Variants in TAF4B observed in about 807,000 individuals in gnomAD.
TAF4B encodes transcription initiation factor TFIID subunit 4B.
TAF4B carries 38 observed loss-of-function variants against 86.4 expected under a neutral mutation model. The observed-to-expected ratio is 0.44, with a 90% CI of 0.34 to 0.58. TAF4B has a LOEUF of 0.58. TAF4B is among the 20% of genes least tolerant of loss of function. The pLI, the probability that TAF4B is intolerant of heterozygous loss-of-function variation, is 0.02. For synonymous variants in TAF4B, 388 were observed against 391.2 expected (o/e 0.99, Z 0.10); for missense variants, 988 against 1,027.6 (o/e 0.96, Z 0.53).
At chr18:26,227,822 G>GT (rs890575036) in intron 1 of TAF4B, among the ~76,000 whole-genome samples, 1 of 152,232 alleles carries the variant, frequency 6.6e-6, no homozygotes, top group Non-Finnish European at 1.5e-5. Context: ...CGGCCTAACA[G>GT]TGAAGTTCTT....
intron 9 of TAF4B, among the ~76,000 whole-genome samples, chr18:26,302,088 A>G (rs567188813): frequency 2.0e-5 from 3 of 152,248 alleles, no homozygotes; most frequent in South Asian, 4.1e-4. Flanking sequence ...CCTCAAAACA[A>G]TTGTCTGATT....
intron 13 of TAF4B, among the ~76,000 whole-genome samples, chr18:26,351,121 T>C (rs932996758): frequency 2.6e-5 from 4 of 152,148 alleles, no homozygotes; most frequent in African/African-American, 9.7e-5. Flanking sequence ...AACCCAGGTG[T>C]TCAACAACAG....
intron 1 of TAF4B, among the ~76,000 whole-genome samples, chr18:26,261,544 T>A (rs1233023362): frequency 1.3e-5 from 2 of 152,212 alleles, no homozygotes; most frequent in African/African-American, 4.8e-5. Context: ...CTCATCTCTC[T>A]GTTAAGCTGT....
intron 8 of TAF4B, among the ~76,000 whole-genome samples, chr18:26,292,629 C>T (rs2056607206): frequency 6.6e-6 from 1 of 152,178 alleles, no homozygotes. Flanking sequence ...TTAAGCAATT[C>T]TCATGTTCTC....
chr18:26,317,154 C>G (rs62085401), intron 10 of TAF4B, among the ~76,000 whole-genome samples: 3,807 of 151,880 alleles, frequency 0.025, 72 homozygotes, highest in South Asian at 0.065. Context: ...CTCAACCTCC[C>G]GAGTAGCTGG....
At chr18:26,335,288 T>G in intron 13 of TAF4B, 57 bp downstream of exon 13, 10 of 1,469,134 alleles carry the variant, frequency 6.8e-6, no homozygotes, top group Non-Finnish European at 9.5e-6. Flanking sequence ...TTGGCAGCTC[T>G]CTCCTGGCAA....
chr18:26,275,343 A>G (rs1397312200), intron 5 of TAF4B, among the ~76,000 whole-genome samples: 1 of 152,034 alleles, frequency 6.6e-6, no homozygotes, highest in Non-Finnish European at 1.5e-5. Context: ...TTTAGTAGAG[A>G]CGGGGTTTTG....
At chr18:26,346,815 ATG>A (rs1305895809) in intron 13 of TAF4B, among the ~76,000 whole-genome samples, 1,387 of 20,584 alleles carry the variant, frequency 0.067, 294 homozygotes, top group Non-Finnish European at 0.11. Flanking sequence ...ATATATATAT[ATG>A]TGTGTGTATA....
At chr18:26,356,785 C>G (rs2057291498) in intron 13 of TAF4B, among the ~76,000 whole-genome samples, 1 of 98,516 alleles carries the variant, frequency 1.0e-5, no homozygotes, top group Non-Finnish European at 2.1e-5. Flanking sequence ...GACTTTCTCA[C>G]TTGGTGTTTT....
chr18:26,272,712 A>G (rs1598745507), intron 3 of TAF4B, among the ~76,000 whole-genome samples: 1 of 152,286 alleles, frequency 6.6e-6, no homozygotes, highest in Non-Finnish European at 1.5e-5. Context: ...ATGGCAGTAC[A>G]GAGAGTTAAT....
intron 12 of TAF4B, among the ~76,000 whole-genome samples, chr18:26,328,190 C>G (rs1307571888): frequency 6.6e-6 from 1 of 152,138 alleles, no homozygotes; most frequent in East Asian, 1.9e-4. Context: ...GTGGCTCATG[C>G]CTGTAATCCC....
intron 9 of TAF4B, among the ~76,000 whole-genome samples, chr18:26,299,269 T>G (rs976936768): frequency 1.3e-5 from 2 of 152,220 alleles, no homozygotes; most frequent in Admixed American, 6.5e-5. Flanking sequence ...ATTGCCTGTT[T>G]TTAAACTGAG....
chr18:26,384,160 T>C (rs1321221065), intron 14 of TAF4B, among the ~76,000 whole-genome samples: 1 of 152,224 alleles, frequency 6.6e-6, no homozygotes, highest in Non-Finnish European at 1.5e-5. Context: ...AGAGCTGCCA[T>C]GGTGGCATGA....
intron 14 of TAF4B, among the ~76,000 whole-genome samples, chr18:26,387,738 C>T (rs1978459675): frequency 6.6e-6 from 1 of 152,182 alleles, no homozygotes; most frequent in South Asian, 2.1e-4. Context: ...ATTTTTTTCC[C>T]TCTTTTAGAA....
At chr18:26,303,961 C>T (rs1312350847) in intron 9 of TAF4B, among the ~76,000 whole-genome samples, 1 of 151,806 alleles carries the variant, frequency 6.6e-6, no homozygotes, top group East Asian at 1.9e-4. Flanking sequence ...TTGCATTTAT[C>T]TGTTAGATTT....
Position 26,346,785 on chromosome 18 carries a change from A to ATATATATATGTG in TAF4B, c.2317-10896_2317-10895insGTGTATATATAT, listed in dbSNP as rs1567913659. Among the ~76,000 whole-genome samples, 8 of 21,410 alleles carry ATATATATATGTG rather than the reference A, an allele frequency of 3.7e-4. 1 individual carries two copies. The highest frequency in any genetic ancestry group is 5.5e-4 in the African/African-American group (5 of 9,140). 14.0% of individuals were successfully genotyped at this position (21,410 alleles called of 152,430 possible). ...TATATATATATATATGTGTGTGTAT[A>ATATATATATGTG]TATATATATATATGTGTATATATAT... On this transcript the variant is annotated intron_variant, in intron 13 of 14. Transcript: ENST00000269142.
intron 3 of TAF4B, among the ~76,000 whole-genome samples, chr18:26,273,189 G>T (rs1272364149): frequency 2.0e-5 from 3 of 152,134 alleles, no homozygotes; most frequent in Non-Finnish European, 4.4e-5. Flanking sequence ...AAATATCTGA[G>T]CCTGGAGACT....
intron 14 of TAF4B, among the ~76,000 whole-genome samples, chr18:26,372,604 G>A (rs1238843028): frequency 1.3e-5 from 2 of 152,108 alleles, no homozygotes; most frequent in Non-Finnish European, 2.9e-5. Flanking sequence ...AAAGGACCTG[G>A]ATAGCCCCTT....
At chr18:26,356,781 C>T (rs1200211120) in intron 13 of TAF4B, among the ~76,000 whole-genome samples, 1 of 122,042 alleles carries the variant, frequency 8.2e-6, no homozygotes, top group Non-Finnish European at 1.7e-5. Flanking sequence ...TTTTGACTTT[C>T]TCACTTGGTG....
Sources: allele counts gnomAD v4.1 joint callset (sites outside exome capture counted in the v4.1 genomes callset), GRCh38; gene constraint gnomAD v4.1.1; transcripts MANE v1.5; gene names NCBI Gene and HGNC (gene_info 2026-07-23, HGNC 2026-07-21).